Variants in ESR2 observed in about 807,000 individuals in gnomAD.
ESR2 encodes the protein estrogen receptor 2.
In ESR2, 36 loss-of-function variants were observed where a neutral mutation model predicts 49.6. The observed-to-expected ratio is 0.73, with a 90% confidence interval of 0.56 to 0.96. The LOEUF (loss-of-function observed/expected upper bound fraction) is 0.96, where lower values mean the gene tolerates loss of function less well. ESR2 is among the 40% of genes least tolerant of loss of function. The probability of loss-of-function intolerance (pLI) is 0.00; values close to 1 mark genes in which losing one functional copy is unlikely to be tolerated. For synonymous variants in ESR2, 320 were observed against 266.1 expected, an observed-to-expected ratio of 1.20 and a Z score of -1.97; for missense variants, 714 against 693.0, an observed-to-expected ratio of 1.03 and a Z score of -0.34.
At chr14:64,313,156 T>A (rs1409942533) in intron 1 of ESR2, among the ~76,000 whole-genome samples, 2 of 151,608 alleles carry the variant, frequency 1.3e-5, no homozygotes, top group African/African-American at 4.8e-5. Flanking sequence ...AACAAAAGGA[T>A]CAATCAACCA....
intron 3 of ESR2, among the ~76,000 whole-genome samples, chr14:64,271,394 C>T (rs967626600): frequency 6.6e-6 from 1 of 152,172 alleles, no homozygotes; most frequent in African/African-American, 2.4e-5. Context: ...GGCATGATCT[C>T]GACTCACTGC....
rs546517371 is a variant in ESR2, at chr14:64,230,108, G to C, written c.*3029C>G. ...GTGGGATGGGGCACTGTGGTGGGAG[G>C]ATCGCTTGAGCCCAGGAGGTCGAGG... is the stretch of plus-strand genomic sequence containing the variant. On this transcript the variant is annotated 3_prime_UTR_variant, in exon 9 of 9. Transcript: ENST00000341099. 6.6e-6 allele frequency among the ~76,000 whole-genome samples: 1 copy of C among 151,554 alleles called. No individual in the cohort carries two copies. The highest frequency in any genetic ancestry group is 1.5e-5 in the Non-Finnish European group (1 of 67,966).
intron 4 of ESR2, among the ~76,000 whole-genome samples, chr14:64,265,010 T>G (rs1328351010): frequency 6.6e-6 from 1 of 152,244 alleles, no homozygotes; most frequent in African/African-American, 2.4e-5. Context: ...GTGAGAGATT[T>G]TGAATTCATA....
At chr14:64,253,639 T>TG (rs2076039050) in intron 6 of ESR2, among the ~76,000 whole-genome samples, 1 of 151,574 alleles carries the variant, frequency 6.6e-6, no homozygotes, top group South Asian at 2.1e-4. Context: ...TATATATCTC[T>TG]GCTCGCAGCA....
At chr14:64,259,119 G>A (rs2076160747) in intron 5 of ESR2, among the ~76,000 whole-genome samples, 1 of 152,194 alleles carries the variant, frequency 6.6e-6, no homozygotes, top group Non-Finnish European at 1.5e-5. Flanking sequence ...AAAAACTAGA[G>A]GAAAGTGCAT....
At position 64,259,121 on chromosome 14, in the gene ESR2, A is replaced by C. The variant is rs982394677; in HGVS notation, c.952+1328T>G. 2.0e-5 allele frequency among the ~76,000 whole-genome samples: 3 copies of C among 152,264 alleles called. No individual in the cohort carries two copies. The East Asian group carries it at 5.8e-4, about 29-fold the overall frequency. On this transcript the variant is annotated intron_variant, in intron 5 of 8. Coordinates refer to ENST00000341099, the MANE Select transcript of ESR2 (RefSeq NM_001437.3). ...ATACATTTAAAGCAAAAACTAGAGG[A>C]AAGTGCATCAGTATTGCCTCCCCTG... is the stretch of plus-strand genomic sequence containing the variant.
chr14:64,305,292 A>AAG (rs1382850822), intron 1 of ESR2, among the ~76,000 whole-genome samples: 1 of 146,322 alleles, frequency 6.8e-6, no homozygotes, highest in Non-Finnish European at 1.5e-5. Context: ...CTCCGTCTCA[A>AAG]AAAAAAAAAA....
intron 1 of ESR2, among the ~76,000 whole-genome samples, chr14:64,292,853 A>G (rs79804609): frequency 0.011 from 1,631 of 152,284 alleles, 34 homozygotes; most frequent in African/African-American, 0.037. Flanking sequence ...AAGAAATGTA[A>G]ACTGTGATTA....
intron 2 of ESR2, among the ~76,000 whole-genome samples, chr14:64,281,819 T>C (rs1457397787): frequency 2.0e-5 from 3 of 152,250 alleles, no homozygotes; most frequent in Non-Finnish European, 4.4e-5. Context: ...CACCAATCTT[T>C]ATATAATGTT....
At chr14:64,327,532 C>T (rs2140902589) in intron 1 of ESR2, among the ~76,000 whole-genome samples, 1 of 116,076 alleles carries the variant, frequency 8.6e-6, no homozygotes, top group East Asian at 2.2e-4. Context: ...CCCGTCTCTA[C>T]TAAAACTACA....
At chr14:64,261,491 C>T (rs983888402) in intron 4 of ESR2, among the ~76,000 whole-genome samples, 2 of 152,098 alleles carry the variant, frequency 1.3e-5, no homozygotes, top group Non-Finnish European at 2.9e-5. Flanking sequence ...ATTCTTGGCT[C>T]ACTGCAACTT....
chr14:64,331,771 C>T (rs887629092), intron 1 of ESR2, among the ~76,000 whole-genome samples: 4 of 142,652 alleles, frequency 2.8e-5, no homozygotes, highest in African/African-American at 1.1e-4. Flanking sequence ...TTGCATGAGC[C>T]GAGATCATGC....
intron 6 of ESR2, among the ~76,000 whole-genome samples, chr14:64,252,805 A>G (rs898946886): frequency 6.6e-6 from 1 of 152,120 alleles, no homozygotes; most frequent in Non-Finnish European, 1.5e-5. Flanking sequence ...ACAATTTCAG[A>G]TGAGATTTGC....
At chr14:64,262,190 C>A (rs2076238401) in intron 4 of ESR2, among the ~76,000 whole-genome samples, 1 of 151,238 alleles carries the variant, frequency 6.6e-6, no homozygotes, top group Non-Finnish European at 1.5e-5. Flanking sequence ...TCACAGCTCA[C>A]TGCAGCCTCA....
At chr14:64,236,619 C>G (rs1485750340) in intron 7 of ESR2, among the ~76,000 whole-genome samples, 1 of 152,118 alleles carries the variant, frequency 6.6e-6, no homozygotes, top group Non-Finnish European at 1.5e-5. Context: ...CCTCTCAACT[C>G]CCTGAATGTG....
chr14:64,241,209 T>C (rs2075722839), intron 7 of ESR2, among the ~76,000 whole-genome samples: 1 of 145,768 alleles, frequency 6.9e-6, no homozygotes. Flanking sequence ...GTAGGTTAGG[T>C]GTGTTAAGTA....
chr14:64,319,747 A>G (rs891680604), intron 1 of ESR2, among the ~76,000 whole-genome samples: 1 of 152,208 alleles, frequency 6.6e-6, no homozygotes, highest in African/African-American at 2.4e-5. Context: ...CACCTATTCA[A>G]ATGGCTAAAA....
intron 1 of ESR2, among the ~76,000 whole-genome samples, chr14:64,325,980 A>AATTTTTTTTT (rs564056972): frequency 6.9e-6 from 1 of 144,148 alleles, no homozygotes. Context: ...TTATACACAG[A>AATTTTTTTTT]TTTTTTTTTT....
upstream of ESR2, chr14:64,338,607 G>T (rs1363819249): frequency 6.9e-6 from 1 of 145,842 alleles, no homozygotes; most frequent in Admixed American, 6.8e-5. Context: ...GCCCGAACCC[G>T]CGAAACTGTC....
Sources: allele counts gnomAD v4.1 joint callset (sites outside exome capture counted in the v4.1 genomes callset), GRCh38; gene constraint gnomAD v4.1.1; transcripts MANE v1.5; gene names NCBI Gene and HGNC (gene_info 2026-07-23, HGNC 2026-07-21).